Variants in GPM6A observed in about 807,000 individuals in gnomAD.
The protein encoded by GPM6A is glycoprotein M6A.
A neutral mutation model predicts 32.1 loss-of-function variants in GPM6A; 7 were observed. The ratio of observed to expected loss-of-function variants is 0.22; its 90% confidence interval spans 0.12 to 0.41. The LOEUF is 0.41. GPM6A is among the 10% of genes least tolerant of loss of function. The probability of loss-of-function intolerance (pLI) is 1.00; values close to 1 mark genes in which losing one functional copy is unlikely to be tolerated. For missense variants in GPM6A, 235 were observed against 347.2 expected (o/e 0.68, Z 2.57); for synonymous variants, 130 against 123.4 (o/e 1.05, Z -0.35).
chr4:175,751,435 A>G (rs1732332006), intron 1 of GPM6A, among the ~76,000 whole-genome samples: 1 of 152,176 alleles, frequency 6.6e-6, no homozygotes, highest in African/African-American at 2.4e-5. Flanking sequence ...ATTTTTTGTC[A>G]CTAATCTTAT....
chr4:175,744,489 T>C (rs1441710486), intron 1 of GPM6A, among the ~76,000 whole-genome samples: 1 of 152,018 alleles, frequency 6.6e-6, no homozygotes, highest in African/African-American at 2.4e-5. Context: ...GGACAATCAA[T>C]ATAATATAAA....
At chr4:175,867,170 C>A (rs1736765666) in intron 1 of GPM6A, among the ~76,000 whole-genome samples, 1 of 152,130 alleles carries the variant, frequency 6.6e-6, no homozygotes, top group Non-Finnish European at 1.5e-5. Context: ...TTGGATATAT[C>A]ATTTGCAAAT....
chr4:175,881,960 GCA>G (rs1737293234), intron 1 of GPM6A, among the ~76,000 whole-genome samples: 1 of 151,844 alleles, frequency 6.6e-6, no homozygotes, highest in Admixed American at 6.6e-5. Context: ...TGCAGGTTGT[GCA>G]CATGTACCCT....
At chr4:175,818,199 C>A (rs1252173300) in intron 1 of GPM6A, among the ~76,000 whole-genome samples, 3 of 152,134 alleles carry the variant, frequency 2.0e-5, no homozygotes, top group Non-Finnish European at 2.9e-5. Context: ...CATAACGTCC[C>A]CCTGCTGTTC....
chr4:175,752,921 A>T (rs1027211858), intron 1 of GPM6A, among the ~76,000 whole-genome samples: 6 of 152,208 alleles, frequency 3.9e-5, no homozygotes, highest in Non-Finnish European at 8.8e-5. Context: ...GGAAAACGTC[A>T]TGCTTGACAA....
intron 4 of GPM6A, among the ~76,000 whole-genome samples, chr4:175,643,031 C>T (rs867002904): frequency 8.5e-5 from 13 of 152,120 alleles, no homozygotes; most frequent in Middle Eastern, 3.4e-3. Context: ...TTTTTTCCCC[C>T]GCAAACCCTA....
intron 1 of GPM6A, among the ~76,000 whole-genome samples, chr4:175,832,793 C>A (rs1735655346): frequency 6.6e-6 from 1 of 152,112 alleles, no homozygotes; most frequent in East Asian, 1.9e-4. Flanking sequence ...AGAAAGAAAA[C>A]CAGCTACAAC....
rs76400487 is a variant in GPM6A, at chr4:175,633,697, A to C, written c.*1208T>G. The C allele has an allele frequency of 6.6e-6, 1 of 152,532 alleles. No homozygotes were observed. The highest frequency in any genetic ancestry group is 2.4e-5 in the African/African-American group (1 of 41,458). 9.4% of individuals were successfully genotyped at this position (152,532 alleles called of 1,614,324 possible). On this transcript the variant is annotated 3_prime_UTR_variant, in exon 7 of 7. Coordinates refer to ENST00000393658, the MANE Select transcript of GPM6A (RefSeq NM_201591.3). ...TGCTCTTTGTTAAAATTCCTTTGAT[A>C]CAGGTACTTTTTATAAATGAATATG...
intron 1 of GPM6A, among the ~76,000 whole-genome samples, chr4:175,959,200 C>T (rs10520320): frequency 0.1 from 15,294 of 152,078 alleles, 879 homozygotes; most frequent in South Asian, 0.24. Context: ...TCCTCAAAAT[C>T]GCTGGGTAGA....
rs200838381 is a variant in GPM6A, at chr4:175,640,111, A to G, written c.684+18T>C. 7 of 1,592,404 alleles carry G rather than the reference A, an allele frequency of 4.4e-6. No homozygotes were observed. In the East Asian group the frequency reaches 1.6e-4, roughly 36 times the overall value. The stretch of plus-strand genomic sequence containing the variant: ...GAATTCACATTGAAAACCAAGCACC[A>G]GCGCTTTGAGGTCTTACCATAGCAA... On this transcript the variant is annotated intron_variant, in intron 6 of 6. Transcript: ENST00000393658.
intron 1 of GPM6A, among the ~76,000 whole-genome samples, chr4:175,791,706 T>C (rs1401631193): frequency 1.3e-5 from 2 of 152,138 alleles, no homozygotes; most frequent in Non-Finnish European, 1.5e-5. Context: ...ATCTAAAACA[T>C]ACAGAAGCAA....
intron 1 of GPM6A, among the ~76,000 whole-genome samples, chr4:175,867,987 C>T (rs929381714): frequency 1.3e-5 from 2 of 152,190 alleles, no homozygotes; most frequent in African/African-American, 4.8e-5. Flanking sequence ...TGGAATTTTT[C>T]TCTGATATTT....
chr4:175,860,592 C>A (rs1003228291), intron 1 of GPM6A, among the ~76,000 whole-genome samples: 1 of 152,122 alleles, frequency 6.6e-6, no homozygotes, highest in Non-Finnish European at 1.5e-5. Context: ...GGAAGCGTAG[C>A]ACAGAATGAA....
chr4:175,970,545 T>A (rs777566993), intron 1 of GPM6A, among the ~76,000 whole-genome samples: 2 of 152,072 alleles, frequency 1.3e-5, no homozygotes, highest in South Asian at 4.1e-4. Context: ...ACAGAAAGAG[T>A]TGGACAGAGT....
intron 1 of GPM6A, among the ~76,000 whole-genome samples, chr4:175,903,939 A>C (rs1579613247): frequency 6.6e-6 from 1 of 152,284 alleles, no homozygotes; most frequent in South Asian, 2.1e-4. Flanking sequence ...ATTGTACTAT[A>C]GTTATGTCAG....
Position 175,739,060 on chromosome 4 carries a change from A to G in GPM6A, c.38-37293T>C, listed in dbSNP as rs980136950. On this transcript the variant is annotated intron_variant, in intron 1 of 6. Transcript: ENST00000393658. The stretch of plus-strand genomic sequence containing the variant: ...TCTAAGAAACTAGCAAGCATTTGGT[A>G]TAAGTCTAAAGCAAGCATTAAAGAA... Among the ~76,000 whole-genome samples, 7 of 152,350 alleles carry G rather than the reference A, an allele frequency of 4.6e-5. No homozygotes were observed. In the South Asian group the frequency reaches 1.2e-3, roughly 27 times the overall value.
intron 1 of GPM6A, among the ~76,000 whole-genome samples, chr4:175,900,704 A>T (rs1367617564): frequency 6.6e-6 from 1 of 152,146 alleles, no homozygotes; most frequent in Non-Finnish European, 1.5e-5. Context: ...ACTATAGAAA[A>T]CCATTAAGAG....
At chr4:175,836,343 C>A (rs758660172) in intron 1 of GPM6A, among the ~76,000 whole-genome samples, 1 of 152,044 alleles carries the variant, frequency 6.6e-6, no homozygotes, top group Non-Finnish European at 1.5e-5. Flanking sequence ...TTGAGGTGTA[C>A]CACATGTCAG....
At chr4:175,984,600 C>T (rs567707477) in intron 1 of GPM6A, among the ~76,000 whole-genome samples, 2 of 152,096 alleles carry the variant, frequency 1.3e-5, no homozygotes, top group African/African-American at 4.8e-5. Flanking sequence ...CATAGAAGTG[C>T]TTTACATTTT....
Sources: allele counts gnomAD v4.1 joint callset (sites outside exome capture counted in the v4.1 genomes callset), GRCh38; gene constraint gnomAD v4.1.1; transcripts MANE v1.5; gene names NCBI Gene and HGNC (gene_info 2026-07-23, HGNC 2026-07-21).